PTRH2: variants seen among roughly 807,000 people sequenced by gnomAD.
The protein encoded by PTRH2 is peptidyl-tRNA hydrolase 2.
In PTRH2, 10 loss-of-function variants were observed where a neutral mutation model predicts 12.3. The observed-to-expected ratio is 0.81, with a 90% CI of 0.50 to 1.38. The LOEUF (loss-of-function observed/expected upper bound fraction) is 1.38, where lower values mean the gene tolerates loss of function less well. Ranked by LOEUF, PTRH2 falls within the 40% of genes most tolerant of loss-of-function variation. The pLI, the probability that PTRH2 is intolerant of heterozygous loss-of-function variation, is 0.00. For missense variants in PTRH2, 176 were observed against 214.1 expected (o/e 0.82, Z 1.11); for synonymous variants, 73 against 77.4 (o/e 0.94, Z 0.30).
chr17:59,706,207 A>C (rs554787901), intron 1 of PTRH2, among the ~76,000 whole-genome samples: 1 of 152,302 alleles, frequency 6.6e-6, no homozygotes, highest in African/African-American at 2.4e-5. Flanking sequence ...TCTCATAAAT[A>C]ATTCTGGGCA....
intron 1 of PTRH2, chr17:59,700,762 G>C (rs1272714646): frequency 2.0e-5 from 3 of 152,112 alleles, no homozygotes; most frequent in African/African-American, 7.2e-5. Context: ...GCTCAAGATA[G>C]AGAAAGACTT....
In PTRH2 at chr17:59,697,757, G is replaced by C; in HGVS notation, c.222C>G (p.Asp74Glu). Residue 74 changes from aspartate (D) to glutamate (E), a missense_variant, in exon 2 of 2, where the codon GAC (aspartate) becomes GAG (glutamate). By Grantham distance (45) the Asp-to-Glu change is conservative. Transcript: ENST00000393038. The stretch of plus-strand genomic sequence containing the variant: ...CCACTTTCCCTTTTCCCATCTTTAA[G>C]TCATTTCGAACCACAAGAATCATCT... ...EYKMILVVRN[D>E]LKMGKGKVAA... 2 of 1,614,168 alleles carry C rather than the reference G, an allele frequency of 1.2e-6. No individual in the cohort carries two copies. Among genetic ancestry groups the C allele is most frequent in the Non-Finnish European group, 1.7e-6 (2 of 1,180,040 alleles).
rs747601962 is a variant in PTRH2 at position 59,697,695 on chromosome 17, T to C, written c.284A>G (p.Lys95Arg). The C allele has an allele frequency of 2.3e-5, 37 of 1,614,102 alleles. No homozygotes were observed. Among genetic ancestry groups the C allele is most frequent in the East Asian group, 2.2e-5 (1 of 44,902 alleles). Reference protein sequence around the residue: ...QCSHAAVSAYKQIQRRNPEML... With the variant: ...QCSHAAVSAYRQIQRRNPEML... ...TTCAGGATTTCTTCTTTGAATCTGC[T>C]TGTAGGCTGAAACAGCAGCATGAGA... is the stretch of plus-strand genomic sequence containing the variant. Residue 95 changes from lysine to arginine, a missense_variant, in exon 2 of 2, where the codon AAG (lysine) becomes AGG (arginine). Transcript: ENST00000393038.
At chr17:59,705,562 G>A (rs1001555450) in intron 1 of PTRH2, among the ~76,000 whole-genome samples, 3 of 152,096 alleles carry the variant, frequency 2.0e-5, no homozygotes, top group Admixed American at 2.0e-4. Flanking sequence ...TGGGACTACA[G>A]GTGCATGCCA....
At chr17:59,707,148 A>T (rs2033696880) in intron 1 of PTRH2, 1 of 152,116 alleles carries the variant, frequency 6.6e-6, no homozygotes, top group Non-Finnish European at 1.5e-5. Context: ...TGGGAACTAG[A>T]AATTCTGAGT....
intron 1 of PTRH2, chr17:59,698,388 A>G: frequency 4.4e-6 from 1 of 226,550 alleles, no homozygotes; most frequent in Non-Finnish European, 8.8e-6. Flanking sequence ...AGATGGTATC[A>G]AATCAGTTAC....
intron 1 of PTRH2, among the ~76,000 whole-genome samples, chr17:59,702,140 A>G (rs1161024282): frequency 6.6e-6 from 1 of 152,204 alleles, no homozygotes; most frequent in Non-Finnish European, 1.5e-5. Flanking sequence ...CAATAAAACA[A>G]ATGTTTACTG....
At chr17:59,698,008 TCCG>T in intron 1 of PTRH2, 30 bp from the exon 2 acceptor site, 1 of 1,590,514 alleles carries the variant, frequency 6.3e-7, no homozygotes, top group Non-Finnish European at 8.6e-7. Context: ...GTTATCACTA[TCCG>T]GCAGTAACAA....
chr17:59,699,200 A>G (rs1380196629), intron 1 of PTRH2: 1 of 311,426 alleles, frequency 3.2e-6, no homozygotes, highest in East Asian at 7.1e-5. Flanking sequence ...CATTTCTTCT[A>G]ACGTGTAGGC....
intron 1 of PTRH2, among the ~76,000 whole-genome samples, chr17:59,706,937 T>A (rs368791434): frequency 6.6e-6 from 1 of 151,986 alleles, no homozygotes; most frequent in South Asian, 2.1e-4. Context: ...CCTCCCAAAG[T>A]GCTGGGATTA....
In PTRH2 at chr17:59,707,364, A is replaced by T. The variant is rs1398112014; in HGVS notation, c.-1+7T>A. 1.3e-5 allele frequency: 2 copies of T among 152,610 alleles called. No homozygotes were observed. Among genetic ancestry groups the T allele is most frequent in the Non-Finnish European group, 2.9e-5 (2 of 68,046 alleles). The allele number at this position is 152,610 out of a possible 1,614,324, so 9.5% of individuals were successfully genotyped here. A position where few individuals can be genotyped will look rare whatever the true frequency, so the allele number is the denominator to read the frequency against. On this transcript the variant is annotated splice_region_variant and intron_variant, in intron 1 of 1. Transcript: ENST00000393038. ...TCCTTCGCCCTGTAAGGAGCCAACC[A>T]ACCTACCTACAGTACCTCCTTTCCT... is the stretch of plus-strand genomic sequence containing the variant.
intron 1 of PTRH2, among the ~76,000 whole-genome samples, chr17:59,702,246 A>T (rs186957623): frequency 1.6e-4 from 25 of 152,326 alleles, no homozygotes; most frequent in Non-Finnish European, 2.8e-4. Context: ...GTGAAGACAA[A>T]TAATTGCAAG....
In PTRH2 at chr17:59,698,335, A is replaced by G. The variant is rs1340085033; in HGVS notation, c.1-357T>C. On this transcript the variant is annotated intron_variant, in intron 1 of 1. Transcript: ENST00000393038. ...ACCAAAAATAACCCTTTCCTGGAATACAGTGCTAATCGGTGTTTTCACAAT... is the reference window on the plus strand; with the variant it reads ...ACCAAAAATAACCCTTTCCTGGAATGCAGTGCTAATCGGTGTTTTCACAAT... 1.0e-4 allele frequency: 29 copies of G among 290,068 alleles called. No individual in the cohort carries two copies. The South Asian group carries it at 1.4e-3, about 14-fold the overall frequency. The allele number at this position is 290,068 out of a possible 1,614,324, so 18.0% of individuals were successfully genotyped here. A position where few individuals can be genotyped will look rare whatever the true frequency, so the allele number is the denominator to read the frequency against.
intron 1 of PTRH2, chr17:59,699,166 G>C (rs762038080): frequency 8.7e-5 from 32 of 366,810 alleles, no homozygotes; most frequent in Non-Finnish European, 1.4e-4. Context: ...TGTCAACTGT[G>C]GCGAATCTCT....
rs548055153 is a variant in PTRH2, at chr17:59,698,999, A to G, written c.1-1021T>C. 1.2e-5 allele frequency: 8 copies of G among 667,396 alleles called. No homozygotes were observed. In the African/African-American group the frequency reaches 1.2e-4, roughly 10 times the overall value. The allele number at this position is 667,396 out of a possible 1,614,324, so 41.3% of individuals were successfully genotyped here. On this transcript the variant is annotated intron_variant, in intron 1 of 1. Transcript: ENST00000393038. ...CTCTCTCTTCTGATGAACATCGAGA[A>G]TAGGTGGTAGAAGGCATTGGGACAT...
At chr17:59,704,378 C>T (rs976158552) in intron 1 of PTRH2, among the ~76,000 whole-genome samples, 1 of 151,838 alleles carries the variant, frequency 6.6e-6, no homozygotes, top group African/African-American at 2.4e-5. Context: ...AAAGACATCT[C>T]AGAGATATCT....
chr17:59,702,499 C>G (rs1361226364), intron 1 of PTRH2, among the ~76,000 whole-genome samples: 2 of 152,152 alleles, frequency 1.3e-5, no homozygotes, highest in Admixed American at 1.3e-4. Context: ...CACTCAGTTG[C>G]CCACCACTCA....
At position 59,700,656 on chromosome 17, in the gene PTRH2, C is replaced by T. The variant is rs539257439; in HGVS notation, c.1-2678G>A. 2.6e-5 allele frequency: 4 copies of T among 151,844 alleles called. No homozygotes were observed. The South Asian group carries it at 6.3e-4, about 24-fold the overall frequency. The allele number at this position is 151,844 out of a possible 1,614,324, so 9.4% of individuals were successfully genotyped here. A position where few individuals can be genotyped will look rare whatever the true frequency, so the allele number is the denominator to read the frequency against. ...AAAAGAAAAAGCAATGGATATAAGG[C>T]GACACAGAGGAAAGCAATTTTTTTT... On this transcript the variant is annotated intron_variant, in intron 1 of 1. Coordinates refer to ENST00000393038, the MANE Select transcript of PTRH2 (RefSeq NM_016077.5).
intron 1 of PTRH2, among the ~76,000 whole-genome samples, chr17:59,702,871 T>C (rs7226149): frequency 0.18 from 27,516 of 152,108 alleles, 3,386 homozygotes; most frequent in East Asian, 0.44. Context: ...ACGAATTACA[T>C]GAGATATTCA....
Sources: gnomAD v4.1 joint callset for allele counts (sites outside exome capture counted in the v4.1 genomes callset) on GRCh38, gnomAD v4.1.1 for gene constraint, MANE v1.5 for transcripts, NCBI Gene and HGNC (gene_info 2026-07-23, HGNC 2026-07-21) for gene names.